Variants in DNTTIP2 observed in about 807,000 individuals in gnomAD.
The protein encoded by DNTTIP2 is deoxynucleotidyltransferase terminal interacting protein 2.
In DNTTIP2, 47 loss-of-function variants were observed where a neutral mutation model predicts 62.4. The ratio of observed to expected loss-of-function variants is 0.75; its 90% CI spans 0.60 to 0.96. DNTTIP2 has a LOEUF of 0.96. Among genes scored for constraint, DNTTIP2 ranks in the 40% least tolerant of loss-of-function variants. DNTTIP2 has a pLI of 0.00. For missense variants in DNTTIP2, 870 were observed against 849.1 expected, an observed-to-expected ratio of 1.02 and a Z score of -0.31; for synonymous variants, 322 against 300.9, an observed-to-expected ratio of 1.07 and a Z score of -0.73.
intron 1 of DNTTIP2, 57 bp downstream of exon 1, chr1:93,879,020 C>A: frequency 1.9e-6 from 3 of 1,601,708 alleles, no homozygotes. Context: ...CGCCGCCCCG[C>A]CTGCCTGAGC....
chr1:93,878,044 C>T (rs765501595), intron 1 of DNTTIP2, among the ~76,000 whole-genome samples, 182 bp from the exon 2 acceptor site: 1 of 152,130 alleles, frequency 6.6e-6, no homozygotes, highest in African/African-American at 2.4e-5. Flanking sequence ...CGGTGGCTTA[C>T]GGCTGTAATC....
In DNTTIP2 at chr1:93,868,671, A is replaced by G. The variant is rs1270367282; in HGVS notation, c.*1180T>C. ...ACCATGGAATACTATGTGGCCATAA[A>G]AAAGCATGAGTTCATGTCCTTTGCA... is the stretch of plus-strand genomic sequence containing the variant. On this transcript the variant is annotated 3_prime_UTR_variant, in exon 7 of 7. Transcript: ENST00000436063. 1 of 152,254 alleles carries G rather than the reference A, an allele frequency of 6.6e-6. No homozygotes were observed. The highest frequency in any genetic ancestry group is 1.5e-5 in the Non-Finnish European group (1 of 68,044). 9.4% of individuals were successfully genotyped at this position (152,254 alleles called of 1,614,324 possible). A position where few individuals can be genotyped will look rare whatever the true frequency, so the allele number is the denominator to read the frequency against.
At position 93,872,246 on chromosome 1, in the gene DNTTIP2, T is replaced by C. The variant is rs1400283646; in HGVS notation, c.1903-10A>G. 1.9e-6 allele frequency: 3 copies of C among 1,612,116 alleles called. No homozygotes were observed. Among genetic ancestry groups the C allele is most frequent in the Non-Finnish European group, 2.5e-6 (3 of 1,179,308 alleles). On this transcript the variant is annotated splice_polypyrimidine_tract_variant and intron_variant, in intron 4 of 6. Transcript: ENST00000436063. ...TTTTTTGTCGTTCTTTCTGAAATTA[T>C]GATTTCAAAAATAAACATTCTAACA...
chr1:93,877,694 G>C lies in DNTTIP2; in HGVS notation c.241C>G (p.Pro81Ala). The C allele has an allele frequency of 6.2e-7, 1 of 1,613,952 alleles. No individual in the cohort carries two copies. Among genetic ancestry groups the C allele is most frequent in the Non-Finnish European group, 8.5e-7 (1 of 1,179,882 alleles). ...TTGSLPKGTE[P>A]STDGETSEAE... ...TCAGAGGTTTCTCCATCCGTAGATG[G>C]TTCAGTCCCCTTTGGTAGTGAGCCT... The change falls in exon 2 of 7, where the codon CCA (proline) becomes GCA (alanine). Residue 81 changes from proline (P) to alanine (A), a missense_variant. Transcript: ENST00000436063.
At chr1:93,878,018 A>C in intron 1 of DNTTIP2, 156 bp from the exon 2 acceptor site, 1 of 1,242,378 alleles carries the variant, frequency 8.0e-7, no homozygotes, top group Non-Finnish European at 1.1e-6. Flanking sequence ...TTAAAAAATC[A>C]AAATTTGGCC....
chr1:93,870,246 G>A (rs577071911), intron 6 of DNTTIP2, among the ~76,000 whole-genome samples: 52 of 152,104 alleles, frequency 3.4e-4, no homozygotes, highest in African/African-American at 1.2e-3. Context: ...ACAAAAATCA[G>A]GACTAAGCAA....
chr1:93,872,230 G>C lies in DNTTIP2; in HGVS notation c.1909C>G (p.Arg637Gly), dbSNP rs780751546. The C allele has an allele frequency of 3.1e-6, 5 of 1,612,358 alleles. No individual in the cohort carries two copies. The highest frequency in any genetic ancestry group is 3.4e-6 in the Non-Finnish European group (4 of 1,179,356). Reference sequence around the variant, plus strand: ...CAGCCATCCCCTGCTGTTTTTTGTCGTTCTTTCTGAAATTATGATTTCAAA... The same window carrying C: ...CAGCCATCCCCTGCTGTTTTTTGTCCTTCTTTCTGAAATTATGATTTCAAA... ...YQLQKKRRKE[R>G]QKTAGDGWFG... Residue 637 changes from arginine to glycine, a missense_variant, in exon 5 of 7, where the codon CGA (arginine) becomes GGA (glycine). By Grantham distance (125) the Arg-to-Gly change is moderately radical. Transcript: ENST00000436063.
At position 93,877,751 on chromosome 1, in the gene DNTTIP2, G is replaced by T; in HGVS notation, c.184C>A (p.Pro62Thr). 1.2e-6 allele frequency: 2 copies of T among 1,613,368 alleles called. No homozygotes were observed. The highest frequency in any genetic ancestry group is 1.7e-6 in the Non-Finnish European group (2 of 1,179,876). Residue 62 changes from proline (P) to threonine (T), a missense_variant, in exon 2 of 7, where the codon CCT (proline) becomes ACT (threonine). Transcript: ENST00000436063. ...CTGCTCTTCCTCTTTCTAGCTTTAG[G>T]AGTTCTAGGGATTAAACTTTGCTTC... Reference protein sequence around the residue: ...TGKQSLIPRTPKARKRKSRTT... With the variant: ...TGKQSLIPRTTKARKRKSRTT...
In DNTTIP2 at chr1:93,876,834, A is replaced by C; in HGVS notation, c.1101T>G (p.Phe367Leu). 6.2e-7 allele frequency: 1 copy of C among 1,613,976 alleles called. No individual in the cohort carries two copies. Among genetic ancestry groups the C allele is most frequent in the Non-Finnish European group, 8.5e-7 (1 of 1,179,886 alleles). The change falls in exon 2 of 7, where the codon TTT becomes TTG. Residue 367 changes from phenylalanine to leucine, a missense_variant. Phe to Leu is a conservative substitution (Grantham distance 22). Transcript: ENST00000436063. ...EAVMKSLTQT[F>L]ATVEVGRWNN... ...TCCATCTGCCTACTTCCACAGTTGC[A>C]AATGTTTGAGTTAATGATTTCATTA...
Position 93,876,693 on chromosome 1 carries a change from A to G in DNTTIP2, c.1242T>C (p.Ser414=). Residue 414 remains serine (S), a synonymous_variant, in exon 2 of 7, where the codon AGT becomes AGC. Coordinates refer to ENST00000436063, the MANE Select transcript of DNTTIP2 (RefSeq NM_014597.5). ...CACATTCAAAATCTACATTCCCTTC[A>G]CTGTTCATGTCTTCACTGACACTTA... ...TVISVSEDMN[S]EGNVDFECDT... 6.2e-7 allele frequency: 1 copy of G among 1,613,940 alleles called. No homozygotes were observed. Among genetic ancestry groups the G allele is most frequent in the Non-Finnish European group, 8.5e-7 (1 of 1,179,882 alleles).
chr1:93,878,909 C>T, intron 1 of DNTTIP2, 168 bp downstream of exon 1: 1 of 826,768 alleles, frequency 1.2e-6, no homozygotes, highest in Non-Finnish European at 1.8e-6. Flanking sequence ...GAAGGCTAAA[C>T]AGTTTCCGTG....
At chr1:93,872,292 T>G in intron 4 of DNTTIP2, 56 bp from the exon 5 acceptor site, 1 of 1,546,456 alleles carries the variant, frequency 6.5e-7, no homozygotes, top group Non-Finnish European at 8.8e-7. Context: ...TACATTATAA[T>G]TCATTTCCCC....
In DNTTIP2 at chr1:93,877,284, T is replaced by C; in HGVS notation, c.651A>G (p.Lys217=). The C allele has an allele frequency of 6.2e-7, 1 of 1,613,678 alleles. No individual in the cohort carries two copies. The highest frequency in any genetic ancestry group is 8.5e-7 in the Non-Finnish European group (1 of 1,179,728). The change falls in exon 2 of 7, where the codon AAA becomes AAG. Residue 217 remains lysine, a synonymous_variant. Coordinates refer to ENST00000436063, the MANE Select transcript of DNTTIP2 (RefSeq NM_014597.5). The part of the protein sequence containing the change: ...QRKLKAQTEK[K]DSKIVPGNEK... ...CATTTCCTGGTACAATCTTACTATC[T>C]TTCTTTTCAGTTTGTGCCTTTAATT...
chr1:93,870,733 T>C lies in DNTTIP2; in HGVS notation c.2127A>G (p.Gln709=). 6.3e-7 allele frequency: 1 copy of C among 1,576,174 alleles called. No individual in the cohort carries two copies. Among genetic ancestry groups the C allele is most frequent in the Non-Finnish European group, 8.6e-7 (1 of 1,157,982 alleles). The change falls in exon 6 of 7, where the codon CAA becomes CAG. Residue 709 remains glutamine (Q), a synonymous_variant. Transcript: ENST00000436063. ...GTTCTTCCACAATAGTTCTTTTCCT[T>C]TGCTTCTTGGGAATTCGTGAATGGT... ...DFYHSRIPKK[Q]RKRTIVEELL... is the part of the protein sequence containing the mutation.
At position 93,879,166 on chromosome 1, in the gene DNTTIP2, G is replaced by T; in HGVS notation, c.-18C>A. ...ACCACCATCTTTCCGGCTCCCTCGC[G>T]ACCACCACGACTTCCCTCTTCCCTG... On this transcript the variant is annotated 5_prime_UTR_variant, in exon 1 of 7. Transcript: ENST00000436063. 3 of 1,610,410 alleles carry T rather than the reference G, an allele frequency of 1.9e-6. No homozygotes were observed. The highest frequency in any genetic ancestry group is 2.5e-6 in the Non-Finnish European group (3 of 1,179,076).
At position 93,877,189 on chromosome 1, in the gene DNTTIP2, G is replaced by T; in HGVS notation, c.746C>A (p.Ala249Glu). 1 of 1,613,676 alleles carries T rather than the reference G, an allele frequency of 6.2e-7. No homozygotes were observed. Among genetic ancestry groups the T allele is most frequent in the South Asian group, 1.1e-5 (1 of 91,070 alleles). Residue 249 changes from alanine to glutamate, a missense_variant, in exon 2 of 7, where the codon GCA (alanine) becomes GAA (glutamate). Ala to Glu is a moderately radical substitution (Grantham distance 107). Coordinates refer to ENST00000436063, the MANE Select transcript of DNTTIP2 (RefSeq NM_014597.5). Reference sequence around the variant, plus strand: ...CTTATTTATCTCAGAAAGAGATCTTGCTTGTAAATGGGAAGTTTGTCTGGT... The same window carrying T: ...CTTATTTATCTCAGAAAGAGATCTTTCTTGTAAATGGGAAGTTTGTCTGGT... Reference protein sequence around the residue: ...SDTRQTSHLQARSLSEINKPN... With the variant: ...SDTRQTSHLQERSLSEINKPN...
At position 93,877,854 on chromosome 1, in the gene DNTTIP2, A is replaced by C; in HGVS notation, c.81T>G (p.Ala27=). 6.3e-7 allele frequency: 1 copy of C among 1,599,832 alleles called. No homozygotes were observed. ...CTGGATGCGCTTGAATCCCATTAGCAGCAAAACTCTGCAAACCAGAGAAAA... is the reference window on the plus strand; with the variant it reads ...CTGGATGCGCTTGAATCCCATTAGCCGCAAAACTCTGCAAACCAGAGAAAA... ...SAESSGQKSF[A]ANGIQAHPES... is the part of the protein sequence containing the mutation. The change falls in exon 2 of 7, where the codon GCT becomes GCG. Residue 27 remains alanine, a synonymous_variant. Transcript: ENST00000436063.
At position 93,876,932 on chromosome 1, in the gene DNTTIP2, C is replaced by T. The variant is rs1285760831; in HGVS notation, c.1003G>A (p.Val335Ile). 13 of 1,613,564 alleles carry T rather than the reference C, an allele frequency of 8.1e-6. No homozygotes were observed. The highest frequency in any genetic ancestry group is 8.0e-5 in the African/African-American group (6 of 74,914). The stretch of plus-strand genomic sequence containing the variant: ...TGGGGGGTTGAATGTCTCTGAGAAA[C>T]TAACTGTTGAAGGCTAGTGTCCTGA... ...ELQDTSLQQL[V>I]SQRHSTPQNK... Residue 335 changes from valine to isoleucine, a missense_variant, in exon 2 of 7, where the codon GTT becomes ATT. Physicochemically the swap from Val to Ile is conservative, Grantham distance 29. Coordinates refer to ENST00000436063, the MANE Select transcript of DNTTIP2 (RefSeq NM_014597.5).
At chr1:93,872,926 G>T (rs910408711) in intron 4 of DNTTIP2, among the ~76,000 whole-genome samples, 193 bp downstream of exon 4, 22 of 151,642 alleles carry the variant, frequency 1.5e-4, no homozygotes, top group African/African-American at 4.6e-4. Flanking sequence ...CACTATTGTG[G>T]CTGCAAAGAT....
Sources: allele counts gnomAD v4.1 joint callset (sites outside exome capture counted in the v4.1 genomes callset), GRCh38; gene constraint gnomAD v4.1.1; transcripts MANE v1.5; gene names NCBI Gene and HGNC (gene_info 2026-07-23, HGNC 2026-07-21).